PXDNL: variants seen among roughly 807,000 people sequenced by gnomAD.
The protein encoded by PXDNL is probable oxidoreductase PXDNL.
PXDNL carries 145 observed loss-of-function variants against 150.8 expected under a neutral mutation model. The ratio of observed to expected loss-of-function variants is 0.96; its 90% CI spans 0.84 to 1.10. The LOEUF (loss-of-function observed/expected upper bound fraction) is 1.10, where lower values mean the gene tolerates loss of function less well. PXDNL is among the 50% of genes least tolerant of loss of function. PXDNL has a pLI of 0.00. For synonymous variants in PXDNL, 757 were observed against 725.7 expected (o/e 1.04, Z -0.69); for missense variants, 2,087 against 1,873.9 (o/e 1.11, Z -2.10).
Position 51,534,359 on chromosome 8 carries a change from G to T in PXDNL, c.380+22481C>A, listed in dbSNP as rs1251930516. On this transcript the variant is annotated intron_variant, in intron 4 of 22. Coordinates refer to ENST00000356297, the MANE Select transcript of PXDNL (RefSeq NM_144651.5). Reference sequence around the variant, plus strand: ...CCCCGTCCGGGAGGGAGGTGGGGGGGGGTCAGCCCCCGCCAGGCCAGCCGC... The same window carrying T: ...CCCCGTCCGGGAGGGAGGTGGGGGGTGGTCAGCCCCCGCCAGGCCAGCCGC... 6.1e-5 allele frequency among the ~76,000 whole-genome samples: 9 copies of T among 147,332 alleles called. 1 individual carries two copies. The highest frequency in any genetic ancestry group is 1.5e-4 in the African/African-American group (6 of 38,856).
chr8:51,356,041 G>A (rs1029890440), intron 19 of PXDNL, among the ~76,000 whole-genome samples: 4 of 152,218 alleles, frequency 2.6e-5, no homozygotes, highest in African/African-American at 9.6e-5. Flanking sequence ...TGGCAATGGG[G>A]AGTCTGAGCT....
intron 1 of PXDNL, among the ~76,000 whole-genome samples, chr8:51,801,676 A>G (rs1433236474): frequency 6.6e-6 from 1 of 152,208 alleles, no homozygotes; most frequent in Non-Finnish European, 1.5e-5. Flanking sequence ...GATAAAGAAC[A>G]GTGTGCACAA....
chr8:51,388,771 C>T (rs150209458), intron 17 of PXDNL, among the ~76,000 whole-genome samples: 1,740 of 152,198 alleles, frequency 0.011, 28 homozygotes, highest in South Asian at 0.04. Flanking sequence ...TCTGTCTGTA[C>T]TACACACTGA....
intron 12 of PXDNL, chr8:51,436,502 G>A (rs545787893): frequency 1.9e-4 from 63 of 337,570 alleles, no homozygotes; most frequent in South Asian, 1.7e-3. Flanking sequence ...CTTCTTCCAT[G>A]TGATCCCACT....
At chr8:51,345,759 G>C in intron 20 of PXDNL, 74 bp downstream of exon 20, 1 of 843,536 alleles carries the variant, frequency 1.2e-6, no homozygotes, top group Non-Finnish European at 1.9e-6. Flanking sequence ...TATTAAAAAA[G>C]ATAAAAACAA....
intron 12 of PXDNL, among the ~76,000 whole-genome samples, chr8:51,439,239 A>G (rs1266484139): frequency 2.0e-5 from 3 of 152,192 alleles, no homozygotes; most frequent in African/African-American, 7.2e-5. Context: ...AAAAAAACAA[A>G]CAATCCATCA....
Position 51,319,752 on chromosome 8 carries a change from A to G in PXDNL, c.*139T>C. The stretch of plus-strand genomic sequence containing the variant: ...TGAAAAAATAAAAGATCGTAAGTAT[A>G]TGTAAGATTAGATGAACTAAGTTGC... On this transcript the variant is annotated 3_prime_UTR_variant, in exon 23 of 23. Transcript: ENST00000356297. The G allele has an allele frequency of 1.7e-6, 1 of 594,130 alleles. No homozygotes were observed. The allele number at this position is 594,130 out of a possible 1,614,324, so 36.8% of individuals were successfully genotyped here.
At position 51,324,919 on chromosome 8, in the gene PXDNL, C is replaced by A. The variant is rs557335926; in HGVS notation, c.4147-4022G>T. Among the ~76,000 whole-genome samples, 8 of 152,230 alleles carry A rather than the reference C, an allele frequency of 5.3e-5. No homozygotes were observed. In the East Asian group the frequency reaches 1.4e-3, roughly 26 times the overall value. ...TTGTTTGTTTATTTTGAGACAGAGT[C>A]TCACTCTGTTGCCCAGGCTGGAGTG... On this transcript the variant is annotated intron_variant, in intron 21 of 22. Transcript: ENST00000356297.
chr8:51,736,672 C>T (rs1229453985), intron 1 of PXDNL, among the ~76,000 whole-genome samples: 1 of 152,226 alleles, frequency 6.6e-6, no homozygotes, highest in Non-Finnish European at 1.5e-5. Context: ...CTAAGGTCAA[C>T]TCTATACATT....
intron 17 of PXDNL, among the ~76,000 whole-genome samples, chr8:51,401,353 T>C (rs1808243110): frequency 6.6e-6 from 1 of 152,134 alleles, no homozygotes; most frequent in South Asian, 2.1e-4. Context: ...CAGTGCACCA[T>C]ATGCATAAGT....
At chr8:51,473,824 T>C (rs1810410863) in intron 7 of PXDNL, among the ~76,000 whole-genome samples, 2 of 151,044 alleles carry the variant, frequency 1.3e-5, no homozygotes, top group Admixed American at 6.6e-5. Flanking sequence ...GAATCAACCA[T>C]GTTAAGAATT....
chr8:51,572,126 C>T (rs1205605679), intron 3 of PXDNL, among the ~76,000 whole-genome samples: 1 of 151,242 alleles, frequency 6.6e-6, no homozygotes, highest in East Asian at 1.9e-4. Flanking sequence ...AGGACATAAC[C>T]CCATCATAAG....
At chr8:51,801,557 C>A (rs2037620893) in intron 1 of PXDNL, among the ~76,000 whole-genome samples, 1 of 152,150 alleles carries the variant, frequency 6.6e-6, no homozygotes, top group Non-Finnish European at 1.5e-5. Flanking sequence ...CCCCCGGAGG[C>A]CCAGCTGTAA....
chr8:51,549,210 A>C (rs541237926), intron 4 of PXDNL, among the ~76,000 whole-genome samples: 120 of 152,326 alleles, frequency 7.9e-4, no homozygotes, highest in Non-Finnish European at 1.3e-3. Flanking sequence ...GAAATGAGAT[A>C]GATGGCAACA....
At chr8:51,322,683 A>G (rs1805361501) in intron 21 of PXDNL, among the ~76,000 whole-genome samples, 2 of 152,200 alleles carry the variant, frequency 1.3e-5, no homozygotes, top group African/African-American at 4.8e-5. Context: ...GGGTTTAAGG[A>G]GAAGAGGAGA....
chr8:51,383,002 C>T (rs977319226), intron 17 of PXDNL, among the ~76,000 whole-genome samples: 3 of 152,136 alleles, frequency 2.0e-5, no homozygotes, highest in African/African-American at 7.2e-5. Context: ...CCATGGCTCA[C>T]CACAGCAGCT....
intron 14 of PXDNL, 47 bp from the exon 15 acceptor site, chr8:51,413,305 G>A (rs1235683783): frequency 2.5e-6 from 3 of 1,177,048 alleles, no homozygotes; most frequent in Middle Eastern, 2.0e-4. Flanking sequence ...AGACCTTGAA[G>A]TTAGGCATGA....
rs554538835 is a variant in PXDNL at position 51,506,128 on chromosome 8, T to C, written c.381-6358A>G. ...TGCTGTGCTAAAGTCAATAACAGTG[T>C]ATTCTACCAAAATTCATTATAAAGA... is the stretch of plus-strand genomic sequence containing the variant. On this transcript the variant is annotated intron_variant, in intron 4 of 22. Coordinates refer to ENST00000356297, the MANE Select transcript of PXDNL (RefSeq NM_144651.5). Among the ~76,000 whole-genome samples, 61 of 152,356 alleles carry C rather than the reference T, an allele frequency of 4.0e-4. No homozygotes were observed. The South Asian group carries it at 5.2e-3, about 13-fold the overall frequency.
intron 3 of PXDNL, among the ~76,000 whole-genome samples, chr8:51,569,682 T>A (rs56882302): frequency 0.071 from 10,765 of 151,908 alleles, 974 homozygotes; most frequent in African/African-American, 0.22. Context: ...ACTCATCATA[T>A]TTTTTTCAAA....
Sources: gnomAD v4.1 joint callset for allele counts (sites outside exome capture counted in the v4.1 genomes callset) on GRCh38, gnomAD v4.1.1 for gene constraint, MANE v1.5 for transcripts, NCBI Gene and HGNC (gene_info 2026-07-23, HGNC 2026-07-21) for gene names.